The following VCPIP1 variants were observed in gnomAD, a reference collection of about 807,000 sequenced individuals.
The protein encoded by VCPIP1 is valosin containing protein interacting protein 1, also known as deubiquitinating protein VCPIP1.
VCPIP1 carries 8 observed loss-of-function variants against 85.0 expected under a neutral mutation model. The observed-to-expected ratio is 0.09, with a 90% CI of 0.06 to 0.17. The LOEUF (loss-of-function observed/expected upper bound fraction) is 0.17. Among genes scored for constraint, VCPIP1 ranks in the 10% least tolerant of loss-of-function variants. VCPIP1 has a pLI of 1.00. For synonymous variants in VCPIP1, 543 were observed against 544.5 expected, an observed-to-expected ratio of 1.00 and a Z score of 0.04; for missense variants, 1,070 against 1,486.3, an observed-to-expected ratio of 0.72 and a Z score of 4.61.
intron 1 of VCPIP1, among the ~76,000 whole-genome samples, chr8:66,661,452 TCAAC>T (rs1218140555): frequency 2.6e-5 from 4 of 152,104 alleles, no homozygotes; most frequent in Admixed American, 6.5e-5. Context: ...AAATATATTA[TCAAC>T]CAGGCACAGT....
chr8:66,658,053 C>G (rs1201721114), intron 1 of VCPIP1, among the ~76,000 whole-genome samples: 1 of 152,024 alleles, frequency 6.6e-6, no homozygotes, highest in Non-Finnish European at 1.5e-5. Context: ...TAATAATATG[C>G]AGCCAGACAC....
rs1554584185 is a variant in VCPIP1 at position 66,638,970 on chromosome 8, C to CTATATATA, written c.2798-3606_2798-3599dup. 6.2e-4 allele frequency among the ~76,000 whole-genome samples: 74 copies of CTATATATA among 118,418 alleles called. 1 individual carries two copies. The highest frequency in any genetic ancestry group is 2.3e-3 in the African/African-American group (58 of 25,686). 77.7% of individuals were successfully genotyped at this position (118,418 alleles called of 152,430 possible). A position where few individuals can be genotyped will look rare whatever the true frequency, so the allele number is the denominator to read the frequency against. On this transcript the variant is annotated intron_variant, in intron 2 of 2. Coordinates refer to ENST00000310421, the MANE Select transcript of VCPIP1 (RefSeq NM_025054.5). ...TCTCTCTCTCTCTCTCTCTCTCTCT[C>CTATATATA]TATATATATATATATACATATATTT... is the stretch of plus-strand genomic sequence containing the variant.
chr8:66,660,074 A>T (rs1397776663), intron 1 of VCPIP1, among the ~76,000 whole-genome samples: 1 of 152,234 alleles, frequency 6.6e-6, no homozygotes, highest in African/African-American at 2.4e-5. Flanking sequence ...GAAAGCTAAA[A>T]AGTATGGAAC....
At chr8:66,650,725 A>C (rs942256455) in intron 2 of VCPIP1, among the ~76,000 whole-genome samples, 1 of 152,040 alleles carries the variant, frequency 6.6e-6, no homozygotes, top group African/African-American at 2.4e-5. Context: ...CTGATTTCAC[A>C]ATTTGTCTTT....
chr8:66,647,458 T>C (rs368911007), intron 2 of VCPIP1, among the ~76,000 whole-genome samples: 1 of 151,888 alleles, frequency 6.6e-6, no homozygotes, highest in Non-Finnish European at 1.5e-5. Context: ...GAAAAAAAGA[T>C]GGAGGACTCA....
chr8:66,642,200 T>C (rs1810954773), intron 2 of VCPIP1, among the ~76,000 whole-genome samples: 1 of 152,228 alleles, frequency 6.6e-6, no homozygotes, highest in South Asian at 2.1e-4. Context: ...TAATGATGTT[T>C]AGCATCTTTT....
chr8:66,634,708 C>A lies in VCPIP1; in HGVS notation c.3462G>T (p.Gln1154His). 6.2e-7 allele frequency: 1 copy of A among 1,614,182 alleles called. No individual in the cohort carries two copies. Among genetic ancestry groups the A allele is most frequent in the East Asian group, 2.2e-5 (1 of 44,888 alleles). Residue 1154 changes from glutamine (Q) to histidine (H), a missense_variant, in exon 3 of 3, where the codon CAG becomes CAT. Coordinates refer to ENST00000310421, the MANE Select transcript of VCPIP1 (RefSeq NM_025054.5). ...AAGGAAAAGATTCAGGCAAACCAGT[C>A]TGAAGACTCCCAGACTTTGCAGAAG... ...VSSSAKSGSL[Q>H]TGLPESFPLT...
rs1235296329 is a variant in VCPIP1 at position 66,664,406 on chromosome 8, T to A, written c.2553A>T (p.Leu851=). The A allele has an allele frequency of 6.2e-7, 1 of 1,613,838 alleles. No homozygotes were observed. Among genetic ancestry groups the A allele is most frequent in the East Asian group, 2.2e-5 (1 of 44,874 alleles). The part of the protein sequence containing the change: ...QHGDRITIEI[L]KSKAEGGQSA... Reference sequence around the variant, plus strand: ...ACTGACCACCTTCAGCTTTACTTTTTAGAATTTCTATTGTAATTCTGTCGC... The same window carrying A: ...ACTGACCACCTTCAGCTTTACTTTTAAGAATTTCTATTGTAATTCTGTCGC... Residue 851 remains leucine (L), a synonymous_variant, in exon 1 of 3, where the codon CTA becomes CTT. Coordinates refer to ENST00000310421, the MANE Select transcript of VCPIP1 (RefSeq NM_025054.5).
intron 1 of VCPIP1, among the ~76,000 whole-genome samples, chr8:66,659,892 TC>T: frequency 6.6e-6 from 1 of 151,920 alleles, no homozygotes; most frequent in East Asian, 1.9e-4. Context: ...ACCACTGCAC[TC>T]CAGGCTGGGC....
chr8:66,650,942 T>C (rs956671307), intron 2 of VCPIP1, among the ~76,000 whole-genome samples: 56 of 150,470 alleles, frequency 3.7e-4, no homozygotes, highest in African/African-American at 9.8e-5. Context: ...CCCAACACTT[T>C]GGGAGGCCAA....
Position 66,664,604 on chromosome 8 carries a change from T to A in VCPIP1, c.2355A>T (p.Arg785=), listed in dbSNP as rs1298639827. The change falls in exon 1 of 3, where the codon CGA becomes CGT. Residue 785 remains arginine, a synonymous_variant. Coordinates refer to ENST00000310421, the MANE Select transcript of VCPIP1 (RefSeq NM_025054.5). Reference sequence around the variant, plus strand: ...AAGACTTAAGGGTAACCATGGACTGTCGTCCATCATTAGTTGTGATTCGGA... The same window carrying A: ...AAGACTTAAGGGTAACCATGGACTGACGTCCATCATTAGTTGTGATTCGGA... ...KKIRITTNDG[R]QSMVTLKSST... 2 of 1,614,042 alleles carry A rather than the reference T, an allele frequency of 1.2e-6. No homozygotes were observed. Among genetic ancestry groups the A allele is most frequent in the African/African-American group, 2.7e-5 (2 of 74,932 alleles).
chr8:66,635,324 G>A lies in VCPIP1; in HGVS notation c.2846C>T (p.Thr949Ile). The A allele has an allele frequency of 6.2e-7, 1 of 1,613,936 alleles. No individual in the cohort carries two copies. The change falls in exon 3 of 3, where the codon ACC becomes ATC. Residue 949 changes from threonine to isoleucine, a missense_variant. Physicochemically the swap from Thr to Ile is moderately conservative, Grantham distance 89. This residue lies in a region of VCPIP1 where 46 missense variants were observed against 95.2 expected (regional missense o/e 0.48). Coordinates refer to ENST00000310421, the MANE Select transcript of VCPIP1 (RefSeq NM_025054.5). ...HCTFPHLPGK[T>I]FVYNASEDRL... Reference sequence around the variant, plus strand: ...ATCTTCAGAAGCATTATAGACAAAGGTTTTGCCAGGCAGATGTGGAAAAGT... The same window carrying A: ...ATCTTCAGAAGCATTATAGACAAAGATTTTGCCAGGCAGATGTGGAAAAGT...
intron 1 of VCPIP1, among the ~76,000 whole-genome samples, chr8:66,660,267 T>A (rs1811142504): frequency 6.6e-6 from 1 of 152,214 alleles, no homozygotes; most frequent in Non-Finnish European, 1.5e-5. Flanking sequence ...AACTAGGAAA[T>A]AAGGTATTGA....
Position 66,666,763 on chromosome 8 carries a change from C to G in VCPIP1, c.196G>C (p.Val66Leu), listed in dbSNP as rs375476759. The G allele has an allele frequency of 3.1e-6, 5 of 1,613,616 alleles. No homozygotes were observed. In the African/African-American group the frequency reaches 6.7e-5, roughly 22 times the overall value. Residue 66 changes from valine to leucine, a missense_variant, in exon 1 of 3, where the codon GTC becomes CTC. By Grantham distance (32) the Val-to-Leu change is conservative. Around this residue, in one of 8 missense-constraint regions of VCPIP1, gnomAD observed 164 missense variants for 158.6 expected, o/e 1.03. Coordinates refer to ENST00000310421, the MANE Select transcript of VCPIP1 (RefSeq NM_025054.5). This position sits in a 1 kb window ranked among gnomAD's most constrained non-coding sequence, Gnocchi z 6.3. ...CCGCACTCGGTACACTCGATGCTGA[C>G]AGAACCGGAGGCCGGGAAAAATAGA... ...ARLFFPASGS[V>L]SIECTECGQR...
At chr8:66,638,574 TC>T (rs1480642487) in intron 2 of VCPIP1, among the ~76,000 whole-genome samples, 2 of 149,962 alleles carry the variant, frequency 1.3e-5, no homozygotes, top group Admixed American at 6.7e-5. Flanking sequence ...GGTCAGCAGA[TC>T]AAGACCATCC....
chr8:66,629,345 T>C lies in VCPIP1; in HGVS notation c.*5156A>G, dbSNP rs1243217814. 6.6e-6 allele frequency: 1 copy of C among 152,192 alleles called. No individual in the cohort carries two copies. Among genetic ancestry groups the C allele is most frequent in the Non-Finnish European group, 1.5e-5 (1 of 68,034 alleles). 9.4% of individuals were successfully genotyped at this position (152,192 alleles called of 1,614,324 possible). Reference sequence around the variant, plus strand: ...GTTAAATGATCTAATAAAATGTATATTAAGCATATACAATAAAACTTGGAA... The same window carrying C: ...GTTAAATGATCTAATAAAATGTATACTAAGCATATACAATAAAACTTGGAA... On this transcript the variant is annotated 3_prime_UTR_variant, in exon 3 of 3. Transcript: ENST00000310421.
In VCPIP1 at chr8:66,667,080, C is replaced by G; in HGVS notation, c.-122G>C. ...AGGGCGAAGCACTTTCCTTTCCCTA[C>G]CAGCTCTTCCTCCTCCTAAGCGAAG... On this transcript the variant is annotated 5_prime_UTR_variant, in exon 1 of 3. Coordinates refer to ENST00000310421, the MANE Select transcript of VCPIP1 (RefSeq NM_025054.5). 1 of 1,399,638 alleles carries G rather than the reference C, an allele frequency of 7.1e-7. No individual in the cohort carries two copies. The allele number at this position is 1,399,638 out of a possible 1,614,324, so 86.7% of individuals were successfully genotyped here. A position where few individuals can be genotyped will look rare whatever the true frequency, so the allele number is the denominator to read the frequency against.
chr8:66,631,547 G>A lies in VCPIP1; in HGVS notation c.*2954C>T, dbSNP rs1810834411. 1 of 154,442 alleles carries A rather than the reference G, an allele frequency of 6.5e-6. No individual in the cohort carries two copies. 9.6% of individuals were successfully genotyped at this position (154,442 alleles called of 1,614,324 possible). On this transcript the variant is annotated 3_prime_UTR_variant, in exon 3 of 3. Coordinates refer to ENST00000310421, the MANE Select transcript of VCPIP1 (RefSeq NM_025054.5). ...AAAGTCAGTGTTCATCTCCAATGAA[G>A]ATACTTAAAAATAATGGCAATAAGG...
In VCPIP1 at chr8:66,631,948, TG is replaced by T. The variant is rs1810837753; in HGVS notation, c.*2552del. 2.0e-5 allele frequency: 3 copies of T among 152,514 alleles called. No individual in the cohort carries two copies. The highest frequency in any genetic ancestry group is 7.2e-5 in the African/African-American group (3 of 41,526). The allele number at this position is 152,514 out of a possible 1,614,324, so 9.4% of individuals were successfully genotyped here. A position where few individuals can be genotyped will look rare whatever the true frequency, so the allele number is the denominator to read the frequency against. ...TTAGGTCATCAACTTAAATTTGGTA[TG>T]ATTAACTATAAAATGGATTACTGAA... On this transcript the variant is annotated 3_prime_UTR_variant, in exon 3 of 3. Transcript: ENST00000310421.
Sources: allele counts gnomAD v4.1 joint callset (sites outside exome capture counted in the v4.1 genomes callset), GRCh38; gene constraint gnomAD v4.1.1; regional missense constraint gnomAD v4.1.1; non-coding constraint Gnocchi (gnomAD v3.1); transcripts MANE v1.5; gene names NCBI Gene and HGNC (gene_info 2026-07-23, HGNC 2026-07-21).